The following MUC22 variants were observed in gnomAD, a reference collection of about 807,000 sequenced individuals.
MUC22 encodes mucin 22, also known as mucin-22.
Under a neutral mutation model 40.3 loss-of-function variants are expected in MUC22, and 24 were observed. The ratio of observed to expected loss-of-function variants is 0.60; its 90% CI spans 0.43 to 0.84. MUC22 has a LOEUF of 0.84. MUC22 is among the 40% of genes least tolerant of loss of function. MUC22 has a pLI of 0.00. For missense variants in MUC22, 1,926 were observed against 2,130.7 expected, an observed-to-expected ratio of 0.90 and a Z score of 1.89; for synonymous variants, 765 against 844.5, an observed-to-expected ratio of 0.91 and a Z score of 1.63.
At chr6:31,028,965 C>A (rs538498938) in exon 2 of MUC22, 2 of 1,531,082 alleles carry the variant, frequency 1.3e-6, no homozygotes, top group Non-Finnish European at 8.7e-7. Flanking sequence ...CCACCACAGC[C>A]TCTACTGAAG....
chr6:31,028,657 A>C, exon 2 of MUC22: 5 of 1,534,792 alleles, frequency 3.3e-6, no homozygotes, highest in Non-Finnish European at 4.4e-6. Context: ...TGAGACCACC[A>C]CAGTCTCCAC....
chr6:31,026,013 GACC>G (rs1442333977), exon 2 of MUC22: 10 of 1,530,608 alleles, frequency 6.5e-6, no homozygotes, highest in South Asian at 3.6e-5. Context: ...CAGGCTCTGA[GACC>G]ACCACCACCT....
chr6:31,007,898 G>A (rs1431803601), upstream of MUC22, among the ~76,000 whole-genome samples: 1 of 152,178 alleles, frequency 6.6e-6, no homozygotes, highest in Non-Finnish European at 1.5e-5. This position sits in a 1 kb window ranked among gnomAD's most constrained non-coding sequence, Gnocchi z 4.0. Context: ...CTCCACTCGA[G>A]CAACCTGCTC....
At chr6:31,017,984 C>T (rs1389586760) in intron 1 of MUC22, among the ~76,000 whole-genome samples, 4 of 152,236 alleles carry the variant, frequency 2.6e-5, no homozygotes, top group Admixed American at 1.3e-4. Flanking sequence ...CTCCTGAGGC[C>T]AGTGAGATCA....
Position 31,030,108 on chromosome 6 carries a change from C to G in MUC22, c.4669+8C>G. 1.3e-6 allele frequency: 2 copies of G among 1,505,470 alleles called. No individual in the cohort carries two copies. The allele number at this position is 1,505,470 out of a possible 1,614,324, so 93.3% of individuals were successfully genotyped here. A position where few individuals can be genotyped will look rare whatever the true frequency, so the allele number is the denominator to read the frequency against. On this transcript the variant is annotated splice_region_variant and intron_variant, in intron 2 of 3. Coordinates refer to ENST00000561890, the Ensembl canonical transcript of MUC22. ...CCAACACACCTATGTCAGGTACTAA[C>G]CCCCATGTCTTCTTTGAGCCCACAC...
intron 1 of MUC22, among the ~76,000 whole-genome samples, chr6:31,020,477 C>T (rs1185295434): frequency 2.4e-5 from 3 of 125,688 alleles, no homozygotes; most frequent in East Asian, 2.8e-4. Context: ...GAGTTTCGCT[C>T]TTGTTGCCCC....
At chr6:31,013,976 C>G (rs1634724) in intron 1 of MUC22, among the ~76,000 whole-genome samples, 41,937 of 152,066 alleles carry the variant, frequency 0.28, 6,092 homozygotes, top group Non-Finnish European at 0.31. Flanking sequence ...GTCTCACATT[C>G]CCGCTCACAA....
At chr6:31,031,665 CT>C (rs1766074017) in intron 2 of MUC22, among the ~76,000 whole-genome samples, 1 of 152,126 alleles carries the variant, frequency 6.6e-6, no homozygotes, top group Non-Finnish European at 1.5e-5. Context: ...CCCTCGCCCC[CT>C]CCCACTCTTC....
In MUC22 at chr6:31,023,121, C is replaced by T. The variant is rs116027102; in HGVS notation, c.71-2381C>T. Among the ~76,000 whole-genome samples, 28 of 147,888 alleles carry T rather than the reference C, an allele frequency of 1.9e-4. No individual in the cohort carries two copies. In the South Asian group the frequency reaches 2.1e-3, roughly 11 times the overall value. Reference sequence around the variant, plus strand: ...CTCCAGCCTGAGTGACAGATCAAGACGCTCAAAAAACAAAACAAAACAAAA... The same window carrying T: ...CTCCAGCCTGAGTGACAGATCAAGATGCTCAAAAAACAAAACAAAACAAAA... On this transcript the variant is annotated intron_variant, in intron 1 of 3. Coordinates refer to ENST00000561890, the Ensembl canonical transcript of MUC22.
In MUC22 at chr6:31,032,194, A is replaced by G; in HGVS notation, c.4670-2A>G. On this transcript the variant is annotated splice_acceptor_variant, in intron 2 of 3. Coordinates refer to ENST00000561890, the Ensembl canonical transcript of MUC22. LOFTEE classifies it high-confidence loss of function. This position sits in a 1 kb window ranked among gnomAD's most constrained non-coding sequence, Gnocchi z 4.1. ...CATCATCTTGTGTGACCTGTTTCAT[A>G]GGCACCAGAACCACTGGAACCAGAC... 2.0e-6 allele frequency: 3 copies of G among 1,530,774 alleles called. No homozygotes were observed. Among genetic ancestry groups the G allele is most frequent in the Non-Finnish European group, 2.6e-6 (3 of 1,144,542 alleles). The allele number at this position is 1,530,774 out of a possible 1,614,324, so 94.8% of individuals were successfully genotyped here.
upstream of MUC22, among the ~76,000 whole-genome samples, chr6:31,008,789 C>T (rs771541613): frequency 3.3e-5 from 5 of 152,034 alleles, no homozygotes; most frequent in Non-Finnish European, 5.9e-5. Context: ...ACTCCTAACC[C>T]GCCCACCTTG....
upstream of MUC22, among the ~76,000 whole-genome samples, chr6:31,009,050 A>G (rs80284116): frequency 2.0e-3 from 310 of 152,322 alleles, 1 homozygote; most frequent in African/African-American, 6.9e-3. Flanking sequence ...AGACAATACA[A>G]TATTGTTAAT....
intron 1 of MUC22, among the ~76,000 whole-genome samples, chr6:31,020,441 C>CCTT (rs1764589836): frequency 2.4e-5 from 3 of 126,702 alleles, no homozygotes; most frequent in South Asian, 5.2e-4. Context: ...TGGAAATTGA[C>CCTT]TTTTTTTTTT....
At chr6:31,028,721 C>T (rs1176638742) in exon 2 of MUC22, 1 of 1,530,490 alleles carries the variant, frequency 6.5e-7, no homozygotes. Context: ...ACCACCACCA[C>T]CACCTCTACT....
exon 2 of MUC22, chr6:31,028,599 A>G: frequency 6.5e-7 from 1 of 1,534,266 alleles, no homozygotes; most frequent in Non-Finnish European, 8.7e-7. Context: ...AAATGACCAC[A>G]GTCTTCACTG....
In MUC22 at chr6:31,029,050, A is replaced by G. The variant is rs1321636608; in HGVS notation, c.3619A>G (p.Thr1207Ala). ...TTCTACCACAGGCTCTGAGACCATC[A>G]CAGTCTCTGCTGAAGGCTCTGAGAC... Residue 1207 changes from threonine (T) to alanine (A), a missense_variant, in exon 2 of 4, where the codon ACA (threonine) becomes GCA (alanine). Thr to Ala is a moderately conservative substitution (Grantham distance 58). Coordinates refer to ENST00000561890, the Ensembl canonical transcript of MUC22. 5.9e-6 allele frequency: 9 copies of G among 1,534,736 alleles called. No homozygotes were observed. The Admixed American group carries it at 1.8e-4, about 30-fold the overall frequency.
chr6:31,030,377 C>T (rs192895171), intron 2 of MUC22, among the ~76,000 whole-genome samples: 176 of 152,232 alleles, frequency 1.2e-3, no homozygotes, highest in Non-Finnish European at 2.1e-3. Flanking sequence ...ATTAGCTGGG[C>T]GTGGTGGCGG....
chr6:31,018,803 G>T (rs1200779836), intron 1 of MUC22, among the ~76,000 whole-genome samples: 1 of 152,162 alleles, frequency 6.6e-6, no homozygotes, highest in Non-Finnish European at 1.5e-5. Flanking sequence ...TATTTTTCTA[G>T]AGCCTCTCTA....
chr6:31,028,513 T>A (rs140118178), exon 2 of MUC22: 1 of 1,531,678 alleles, frequency 6.5e-7, no homozygotes, highest in African/African-American at 1.4e-5. Flanking sequence ...CACCATGGCA[T>A]CCATCATGGG....
Sources: allele counts gnomAD v4.1 joint callset (sites outside exome capture counted in the v4.1 genomes callset), GRCh38; gene constraint gnomAD v4.1.1; non-coding constraint Gnocchi (gnomAD v3.1); transcripts MANE v1.5; gene names NCBI Gene and HGNC (gene_info 2026-07-23, HGNC 2026-07-21).